Variants in RNGTT observed in about 807,000 individuals in gnomAD.
The protein encoded by RNGTT is mRNA-capping enzyme.
RNGTT carries 33 observed loss-of-function variants against 79.3 expected under a neutral mutation model. The observed-to-expected ratio is 0.42, with a 90% CI of 0.32 to 0.56. The LOEUF is 0.56. RNGTT is among the 20% of genes least tolerant of loss of function. RNGTT has a pLI of 0.17. For synonymous variants in RNGTT, 222 were observed against 235.9 expected (o/e 0.94, Z 0.54); for missense variants, 497 against 739.1 (o/e 0.67, Z 3.80).
intron 1 of RNGTT, among the ~76,000 whole-genome samples, chr6:88,949,172 A>G (rs1785153266): frequency 6.8e-6 from 1 of 146,086 alleles, no homozygotes; most frequent in Non-Finnish European, 1.5e-5. Flanking sequence ...AAAAAAAAAA[A>G]AAAAAAGAAA....
intron 14 of RNGTT, among the ~76,000 whole-genome samples, chr6:88,649,517 G>A (rs1418044904): frequency 6.6e-6 from 1 of 152,160 alleles, no homozygotes; most frequent in Non-Finnish European, 1.5e-5. Flanking sequence ...CTAACACGGT[G>A]AAACCACGTC....
In RNGTT at chr6:88,648,264, G is replaced by A. The variant is rs142261158; in HGVS notation, c.1506+30089C>T. On this transcript the variant is annotated intron_variant, in intron 14 of 15. Transcript: ENST00000369485. ...ATTTATTACTAGTTTTTTAAGCTGG[G>A]GCCTAAAGAAGCCATCTGAATTATT... Among the ~76,000 whole-genome samples, 20 of 151,868 alleles carry A rather than the reference G, an allele frequency of 1.3e-4. No individual in the cohort carries two copies. In the East Asian group the frequency reaches 3.3e-3, roughly 25 times the overall value.
chr6:88,877,497 A>AT (rs1162198687), intron 8 of RNGTT, among the ~76,000 whole-genome samples: 1 of 151,708 alleles, frequency 6.6e-6, no homozygotes, highest in East Asian at 1.9e-4. Flanking sequence ...GAATCTCTGA[A>AT]TTTTTTTTTA....
At chr6:88,641,199 C>A (rs1773303266) in intron 14 of RNGTT, among the ~76,000 whole-genome samples, 1 of 151,982 alleles carries the variant, frequency 6.6e-6, no homozygotes, top group African/African-American at 2.4e-5. Context: ...ATTAGCCAGG[C>A]ACGGTGGCGG....
At chr6:88,893,365 G>C (rs939957357) in intron 6 of RNGTT, among the ~76,000 whole-genome samples, 1 of 152,006 alleles carries the variant, frequency 6.6e-6, no homozygotes, top group Non-Finnish European at 1.5e-5. Context: ...TATCAACGTG[G>C]ATTTCCTATG....
At chr6:88,641,195 C>T (rs1164136086) in intron 14 of RNGTT, among the ~76,000 whole-genome samples, 1 of 151,990 alleles carries the variant, frequency 6.6e-6, no homozygotes, top group East Asian at 1.9e-4. Flanking sequence ...AAAAATTAGC[C>T]AGGCACGGTG....
chr6:88,845,415 G>C (rs780675830), intron 10 of RNGTT, among the ~76,000 whole-genome samples: 3 of 152,204 alleles, frequency 2.0e-5, no homozygotes, highest in Non-Finnish European at 4.4e-5. Context: ...TTGAGGATAA[G>C]TCTCGTCCTA....
intron 14 of RNGTT, among the ~76,000 whole-genome samples, chr6:88,626,337 C>G (rs114633662): frequency 6.6e-6 from 1 of 151,890 alleles, no homozygotes; most frequent in Admixed American, 6.6e-5. Context: ...TCCTTCTTTC[C>G]GCTAAGAATC....
intron 8 of RNGTT, among the ~76,000 whole-genome samples, chr6:88,864,497 C>G (rs1411583269): frequency 6.6e-6 from 1 of 152,080 alleles, no homozygotes; most frequent in African/African-American, 2.4e-5. Context: ...ATATGGCACT[C>G]TACTATAGTG....
chr6:88,653,231 A>G (rs1773859781), intron 14 of RNGTT, among the ~76,000 whole-genome samples: 1 of 152,228 alleles, frequency 6.6e-6, no homozygotes, highest in Non-Finnish European at 1.5e-5. Context: ...AAGTAGGTAA[A>G]GTATTGCATT....
At chr6:88,785,429 C>G (rs1779197332) in intron 12 of RNGTT, among the ~76,000 whole-genome samples, 1 of 151,920 alleles carries the variant, frequency 6.6e-6, no homozygotes. Flanking sequence ...TGATGTTTTG[C>G]TTTTTCTTCC....
intron 2 of RNGTT, among the ~76,000 whole-genome samples, chr6:88,937,355 A>G (rs1317953618): frequency 1.3e-5 from 2 of 152,070 alleles, no homozygotes; most frequent in Non-Finnish European, 2.9e-5. Flanking sequence ...CAAAAAAAAA[A>G]AATAGTCTCT....
chr6:88,951,148 C>T (rs1316965890), intron 1 of RNGTT, among the ~76,000 whole-genome samples: 3 of 152,086 alleles, frequency 2.0e-5, no homozygotes, highest in Admixed American at 1.3e-4. Context: ...TGTGAGCCAC[C>T]GCACCTGGCC....
intron 13 of RNGTT, chr6:88,714,311 A>G (rs1776424193): frequency 6.6e-6 from 1 of 152,276 alleles, no homozygotes; most frequent in South Asian, 2.1e-4. Context: ...GGGAATATGA[A>G]GCAAGACATG....
At chr6:88,629,595 G>A (rs1056224497) in intron 14 of RNGTT, among the ~76,000 whole-genome samples, 1 of 151,928 alleles carries the variant, frequency 6.6e-6, no homozygotes, top group African/African-American at 2.4e-5. Context: ...TGTTCTAGTG[G>A]GAATAAAGAA....
intron 14 of RNGTT, among the ~76,000 whole-genome samples, chr6:88,661,675 T>C (rs552911928): frequency 6.6e-6 from 1 of 152,168 alleles, no homozygotes; most frequent in Admixed American, 6.5e-5. Flanking sequence ...ATTGATATAG[T>C]AATAAAAAAA....
chr6:88,664,649 T>G (rs192558071), intron 14 of RNGTT, among the ~76,000 whole-genome samples: 5 of 152,222 alleles, frequency 3.3e-5, no homozygotes, highest in African/African-American at 1.2e-4. Context: ...GTGCGCCTAT[T>G]GTAAAGAGAC....
At chr6:88,902,958 G>A (rs1224137383) in intron 6 of RNGTT, among the ~76,000 whole-genome samples, 1 of 151,766 alleles carries the variant, frequency 6.6e-6, no homozygotes, top group Non-Finnish European at 1.5e-5. Context: ...CCTCCCAAAG[G>A]GCTGGGATTA....
intron 10 of RNGTT, among the ~76,000 whole-genome samples, chr6:88,848,675 C>T (rs189043705): frequency 6.9e-6 from 1 of 144,600 alleles, no homozygotes; most frequent in South Asian, 2.1e-4. Flanking sequence ...CATGGATACA[C>T]ACATAGGTAG....
Sources: allele counts gnomAD v4.1 joint callset (sites outside exome capture counted in the v4.1 genomes callset), GRCh38; gene constraint gnomAD v4.1.1; transcripts MANE v1.5; gene names NCBI Gene and HGNC (gene_info 2026-07-23, HGNC 2026-07-21).